Variants in GPC5 observed in about 807,000 individuals in gnomAD.
GPC5 encodes the protein glypican-5.
In GPC5, 47 loss-of-function variants were observed where a neutral mutation model predicts 53.9. The observed-to-expected ratio is 0.87, with a 90% CI of 0.69 to 1.11. GPC5 has a LOEUF of 1.11. GPC5 is among the 50% of genes most tolerant of loss of function. GPC5 has a pLI of 0.00. For missense variants in GPC5, 748 were observed against 713.1 expected (o/e 1.05, Z -0.56); for synonymous variants, 286 against 263.3 (o/e 1.09, Z -0.84).
chr13:92,747,531 C>T (rs1311440293), intron 7 of GPC5, among the ~76,000 whole-genome samples: 1 of 152,120 alleles, frequency 6.6e-6, no homozygotes, highest in Non-Finnish European at 1.5e-5. Flanking sequence ...CATTGACCTC[C>T]TCCTCTCTCC....
chr13:92,426,404 T>C (rs1876836540), intron 7 of GPC5, among the ~76,000 whole-genome samples: 1 of 152,130 alleles, frequency 6.6e-6, no homozygotes, highest in Non-Finnish European at 1.5e-5. Flanking sequence ...GCTGTACTGC[T>C]TTTCTCAGAA....
chr13:92,339,995 C>T (rs867879879), intron 7 of GPC5: 1 of 148,666 alleles, frequency 6.7e-6, no homozygotes. Context: ...TACCTATGAA[C>T]AAAAAAAACA....
intron 5 of GPC5, among the ~76,000 whole-genome samples, chr13:91,761,043 T>C (rs1253621660): frequency 1.3e-5 from 2 of 152,156 alleles, no homozygotes; most frequent in Non-Finnish European, 2.9e-5. Flanking sequence ...CAAAACAACA[T>C]TGTTCTCTGA....
At chr13:91,902,040 C>T (rs2039503340) in intron 5 of GPC5, among the ~76,000 whole-genome samples, 1 of 151,994 alleles carries the variant, frequency 6.6e-6, no homozygotes, top group African/African-American at 2.4e-5. Context: ...CATTCTGTCC[C>T]AGTCCAGTTA....
At chr13:91,476,341 A>G (rs902847514) in intron 2 of GPC5, among the ~76,000 whole-genome samples, 4 of 152,318 alleles carry the variant, frequency 2.6e-5, no homozygotes, top group Middle Eastern at 6.8e-3. Flanking sequence ...TCATTTTAAT[A>G]GTGGAGAAAA....
At chr13:92,409,451 A>C (rs1875947940) in intron 7 of GPC5, among the ~76,000 whole-genome samples, 1 of 152,108 alleles carries the variant, frequency 6.6e-6, no homozygotes, top group Non-Finnish European at 1.5e-5. Context: ...AAGAATTATA[A>C]GGTGCTATGC....
chr13:91,845,345 A>G (rs1366910666), intron 5 of GPC5, among the ~76,000 whole-genome samples: 1 of 152,098 alleles, frequency 6.6e-6, no homozygotes, highest in Non-Finnish European at 1.5e-5. Flanking sequence ...TTATTAAAAT[A>G]TAATTGACAA....
chr13:92,611,360 T>A (rs1251824828), intron 7 of GPC5, among the ~76,000 whole-genome samples: 1 of 152,148 alleles, frequency 6.6e-6, no homozygotes, highest in Non-Finnish European at 1.5e-5. Context: ...TCTTCCATAC[T>A]TTTTCTTTCC....
At chr13:92,416,780 A>C (rs1319567036) in intron 7 of GPC5, among the ~76,000 whole-genome samples, 2 of 152,214 alleles carry the variant, frequency 1.3e-5, no homozygotes, top group African/African-American at 4.8e-5. Context: ...GAGTGAAAAA[A>C]CAACTCACAA....
chr13:92,798,647 G>A (rs2888772), intron 7 of GPC5, among the ~76,000 whole-genome samples: 15,684 of 151,668 alleles, frequency 0.1, 1,953 homozygotes, highest in East Asian at 0.66. Context: ...TGTGTGTTTC[G>A]TACTAGAGAT....
At chr13:92,422,532 A>ACCCC (rs1566583701) in intron 7 of GPC5, among the ~76,000 whole-genome samples, 1 of 131,096 alleles carries the variant, frequency 7.6e-6, no homozygotes, top group Admixed American at 7.2e-5. Flanking sequence ...ACACACACAC[A>ACCCC]ACTTCTTGGA....
rs74813562 is a variant in GPC5 at position 91,479,617 on chromosome 13, T to G, written c.325+30695T>G. 6.2e-3 allele frequency among the ~76,000 whole-genome samples: 937 copies of G among 152,266 alleles called. 7 individuals are homozygous for G. Among genetic ancestry groups the G allele is most frequent in the African/African-American group, 0.022 (898 of 41,550 alleles). Reference sequence around the variant, plus strand: ...AGCTACATATATAATGCTTGAGTCATGTAGTTGAAATACTGTTGCATTTTT... The same window carrying G: ...AGCTACATATATAATGCTTGAGTCAGGTAGTTGAAATACTGTTGCATTTTT... On this transcript the variant is annotated intron_variant, in intron 2 of 7. Coordinates refer to ENST00000377067, the MANE Select transcript of GPC5 (RefSeq NM_004466.6).
chr13:92,091,285 C>T (rs1264624495), intron 6 of GPC5, among the ~76,000 whole-genome samples: 4 of 152,048 alleles, frequency 2.6e-5, no homozygotes, highest in African/African-American at 9.7e-5. Flanking sequence ...TCATTAGATA[C>T]AGAATCAGTT....
intron 7 of GPC5, among the ~76,000 whole-genome samples, chr13:92,546,712 C>T (rs1465055786): frequency 1.3e-5 from 2 of 152,170 alleles, no homozygotes; most frequent in Admixed American, 6.5e-5. Context: ...ATTGCCAAGT[C>T]AATCCTAAGC....
chr13:92,411,107 A>G (rs755587368), intron 7 of GPC5, among the ~76,000 whole-genome samples: 5 of 152,116 alleles, frequency 3.3e-5, no homozygotes, highest in Admixed American at 1.3e-4. Flanking sequence ...GACCAAAAAA[A>G]CAAAACAAAA....
chr13:91,668,806 A>G (rs1158150674), intron 2 of GPC5, among the ~76,000 whole-genome samples: 2 of 152,212 alleles, frequency 1.3e-5, no homozygotes, highest in Admixed American at 1.3e-4. Flanking sequence ...TAAGCAATAA[A>G]ATAGGAAATA....
At chr13:92,628,010 T>C (rs1594361751) in intron 7 of GPC5, among the ~76,000 whole-genome samples, 1 of 152,210 alleles carries the variant, frequency 6.6e-6, no homozygotes, top group South Asian at 2.1e-4. Context: ...TGTTGAATAC[T>C]TTTCTCATTT....
chr13:91,922,733 C>A (rs996083756), intron 6 of GPC5, among the ~76,000 whole-genome samples: 1 of 152,178 alleles, frequency 6.6e-6, no homozygotes, highest in Non-Finnish European at 1.5e-5. Flanking sequence ...CTACAGTCAA[C>A]TTTCTTTGTT....
At chr13:92,319,779 C>T (rs2139221285) in intron 7 of GPC5, among the ~76,000 whole-genome samples, 1 of 152,148 alleles carries the variant, frequency 6.6e-6, no homozygotes, top group South Asian at 2.1e-4. Context: ...ACAGTGCATC[C>T]ACATTGTTAT....
Sources: allele counts gnomAD v4.1 joint callset (sites outside exome capture counted in the v4.1 genomes callset), GRCh38; gene constraint gnomAD v4.1.1; transcripts MANE v1.5; gene names NCBI Gene and HGNC (gene_info 2026-07-23, HGNC 2026-07-21).